Variants in NCAM2 observed in about 807,000 individuals in gnomAD.
NCAM2 encodes N-CAM-2.
NCAM2 carries 30 observed loss-of-function variants against 98.1 expected under a neutral mutation model. The ratio of observed to expected loss-of-function variants is 0.31; its 90% CI spans 0.23 to 0.41. The LOEUF (loss-of-function observed/expected upper bound fraction) is 0.41. Ranked by LOEUF, NCAM2 falls within the 10% of genes least tolerant of loss-of-function variation. NCAM2 has a pLI of 1.00. For missense variants in NCAM2, 867 were observed against 1,005.8 expected (o/e 0.86, Z 1.87); for synonymous variants, 368 against 342.4 (o/e 1.07, Z -0.83).
At chr21:21,080,346 G>T (rs551906160) in intron 1 of NCAM2, among the ~76,000 whole-genome samples, 13 of 152,190 alleles carry the variant, frequency 8.5e-5, no homozygotes, top group African/African-American at 2.9e-4. Context: ...GTGGGGCATG[G>T]TGGCTCAAAC....
At position 21,539,797 on chromosome 21, in the gene NCAM2, G is replaced by C. The variant is rs1602590253; in HGVS notation, c.*1840G>C. ...GAGTAGTGTCTAAACAAACAAAGCA[G>C]TTAGGTCATTTTAACTGACTTGATT... is the stretch of plus-strand genomic sequence containing the variant. On this transcript the variant is annotated 3_prime_UTR_variant, in exon 18 of 18. Transcript: ENST00000400546. 1 of 152,124 alleles carries C rather than the reference G, an allele frequency of 6.6e-6. No individual in the cohort carries two copies. The highest frequency in any genetic ancestry group is 1.9e-4 in the East Asian group (1 of 5,182). The allele number at this position is 152,124 out of a possible 1,614,324, so 9.4% of individuals were successfully genotyped here. A position where few individuals can be genotyped will look rare whatever the true frequency, so the allele number is the denominator to read the frequency against.
intron 1 of NCAM2, among the ~76,000 whole-genome samples, chr21:21,216,653 C>T (rs1345363860): frequency 6.6e-6 from 1 of 152,134 alleles, no homozygotes; most frequent in African/African-American, 2.4e-5. Context: ...ATGCCCAGTT[C>T]CTTCTCTCTA....
At chr21:21,045,009 A>G (rs1236360196) in intron 1 of NCAM2, among the ~76,000 whole-genome samples, 1 of 152,172 alleles carries the variant, frequency 6.6e-6, no homozygotes, top group African/African-American at 2.4e-5. Context: ...TCTATATATA[A>G]AAACACAGAT....
chr21:21,424,984 T>C lies in NCAM2; in HGVS notation c.1480+6415T>C, dbSNP rs232388. Among the ~76,000 whole-genome samples, 1,050 of 128,994 alleles carry C rather than the reference T, an allele frequency of 8.1e-3. 14 individuals are homozygous for C. Among genetic ancestry groups the C allele is most frequent in the African/African-American group, 0.029 (976 of 33,528 alleles). The allele number at this position is 128,994 out of a possible 152,430, so 84.6% of individuals were successfully genotyped here. On this transcript the variant is annotated intron_variant, in intron 11 of 17. Transcript: ENST00000400546. ...CCAGGAGGCGGAAGTTGCAGTGAGC[T>C]GAGATCACACCATTACACTCTAGCC...
intron 1 of NCAM2, among the ~76,000 whole-genome samples, chr21:21,084,025 T>G (rs561741681): frequency 6.6e-6 from 1 of 152,262 alleles, no homozygotes; most frequent in South Asian, 2.1e-4. Context: ...AATTTATTTC[T>G]TACAGTTCTG....
At chr21:21,122,071 A>T (rs1019600182) in intron 1 of NCAM2, among the ~76,000 whole-genome samples, 2 of 152,212 alleles carry the variant, frequency 1.3e-5, no homozygotes, top group African/African-American at 2.4e-5. Flanking sequence ...GATTAATGTT[A>T]TTACTAGAGG....
chr21:21,082,698 C>A (rs2065832635), intron 1 of NCAM2, among the ~76,000 whole-genome samples: 1 of 152,098 alleles, frequency 6.6e-6, no homozygotes, highest in African/African-American at 2.4e-5. Context: ...TTTTACTGGG[C>A]TGATTTATTA....
At chr21:21,219,216 G>A (rs1170734916) in intron 1 of NCAM2, among the ~76,000 whole-genome samples, 1 of 151,600 alleles carries the variant, frequency 6.6e-6, no homozygotes. Context: ...TTTTATGTGC[G>A]GCCCAAGACA....
In NCAM2 at chr21:21,410,434, T is replaced by C. The variant is rs775129822; in HGVS notation, c.1356T>C (p.Tyr452=). 13 of 1,574,594 alleles carry C rather than the reference T, an allele frequency of 8.3e-6. No individual in the cohort carries two copies. The highest frequency in any genetic ancestry group is 1.4e-5 in the African/African-American group (1 of 73,172). ...AAAACACGACCAATTTAAAGACTTA[T>C]AGTACAGGAAGAAAGATGATATTAG... ...PAKNTTNLKT[Y]STGRKMILEI... Residue 452 remains tyrosine (Y), a synonymous_variant, in exon 10 of 18, where the codon TAT becomes TAC. Coordinates refer to ENST00000400546, the MANE Select transcript of NCAM2 (RefSeq NM_004540.5).
chr21:21,452,729 T>C (rs111220585), intron 12 of NCAM2, among the ~76,000 whole-genome samples: 1 of 108,246 alleles, frequency 9.2e-6, no homozygotes, highest in Non-Finnish European at 1.7e-5. Flanking sequence ...CTTTATATAT[T>C]ATATAATATA....
chr21:21,077,331 A>G (rs1008471246), intron 1 of NCAM2, among the ~76,000 whole-genome samples: 1 of 152,208 alleles, frequency 6.6e-6, no homozygotes. Flanking sequence ...TGTGCCTTCT[A>G]TTATAACTTC....
intron 1 of NCAM2, among the ~76,000 whole-genome samples, chr21:21,060,449 T>G (rs548971037): frequency 3.5e-4 from 54 of 152,294 alleles, no homozygotes; most frequent in African/African-American, 1.3e-3. Flanking sequence ...CCAAAGTCTG[T>G]GGATATATGT....
chr21:21,081,111 C>T (rs1020255807), intron 1 of NCAM2, among the ~76,000 whole-genome samples: 6 of 152,124 alleles, frequency 3.9e-5, no homozygotes, highest in African/African-American at 1.4e-4. Flanking sequence ...CAGTGGCCTG[C>T]TTGCGCTTGG....
At chr21:21,393,734 A>G (rs1288573636) in intron 9 of NCAM2, among the ~76,000 whole-genome samples, 1 of 152,124 alleles carries the variant, frequency 6.6e-6, no homozygotes, top group African/African-American at 2.4e-5. Flanking sequence ...GGTTCATTTA[A>G]TCTTTGTTTT....
chr21:21,148,302 A>G (rs2067346683), intron 1 of NCAM2, among the ~76,000 whole-genome samples: 1 of 152,202 alleles, frequency 6.6e-6, no homozygotes, highest in African/African-American at 2.4e-5. Flanking sequence ...CTCATAAATG[A>G]AGGCTTTCTC....
At chr21:21,456,452 G>A (rs952891682) in intron 12 of NCAM2, among the ~76,000 whole-genome samples, 4 of 152,180 alleles carry the variant, frequency 2.6e-5, no homozygotes, top group African/African-American at 9.6e-5. Context: ...AGCAATTCAT[G>A]AGGATAATCA....
At chr21:21,447,569 C>G (rs2146110965) in intron 12 of NCAM2, among the ~76,000 whole-genome samples, 1 of 152,238 alleles carries the variant, frequency 6.6e-6, no homozygotes, top group Non-Finnish European at 1.5e-5. Flanking sequence ...TAAAGAGTTT[C>G]TGCACAGCAA....
intron 16 of NCAM2, among the ~76,000 whole-genome samples, chr21:21,530,282 A>G (rs1439521625): frequency 7.6e-6 from 1 of 132,284 alleles, no homozygotes; most frequent in African/African-American, 2.8e-5. Context: ...ATATAATTTA[A>G]TTTAATTATA....
At chr21:21,507,313 T>C (rs1184162073) in intron 15 of NCAM2, among the ~76,000 whole-genome samples, 3 of 152,102 alleles carry the variant, frequency 2.0e-5, no homozygotes, top group Non-Finnish European at 4.4e-5. Context: ...TTTAAAAATA[T>C]CACATAGGAA....
Sources: allele counts gnomAD v4.1 joint callset (sites outside exome capture counted in the v4.1 genomes callset), GRCh38; gene constraint gnomAD v4.1.1; transcripts MANE v1.5; gene names NCBI Gene and HGNC (gene_info 2026-07-23, HGNC 2026-07-21).